Variants in SUCLG2 observed in about 807,000 individuals in gnomAD.
The protein encoded by SUCLG2 is succinate--CoA ligase [GDP-forming] subunit beta, mitochondrial.
In SUCLG2, 42 loss-of-function variants were observed where a neutral mutation model predicts 47.9. The observed-to-expected ratio is 0.88, with a 90% CI of 0.69 to 1.14. The LOEUF is 1.14. Ranked by LOEUF, SUCLG2 falls within the 50% of genes most tolerant of loss-of-function variation. SUCLG2 has a pLI of 0.00. For missense variants in SUCLG2, 571 were observed against 525.9 expected (o/e 1.09, Z -0.84); for synonymous variants, 195 against 197.3 (o/e 0.99, Z 0.10).
At chr3:67,584,189 T>A (rs1003885836) in intron 2 of SUCLG2, among the ~76,000 whole-genome samples, 3 of 152,186 alleles carry the variant, frequency 2.0e-5, no homozygotes, top group Non-Finnish European at 2.9e-5. Flanking sequence ...ATGTGCTGTA[T>A]CTATACAATG....
intron 1 of SUCLG2, among the ~76,000 whole-genome samples, chr3:67,629,849 T>C (rs963033480): frequency 6.6e-6 from 1 of 152,192 alleles, no homozygotes; most frequent in Non-Finnish European, 1.5e-5. Context: ...CTCAGGGTTT[T>C]AGATATGTGC....
chr3:67,456,493 A>G (rs1166637647), intron 9 of SUCLG2, among the ~76,000 whole-genome samples: 1 of 152,200 alleles, frequency 6.6e-6, no homozygotes, highest in Non-Finnish European at 1.5e-5. Context: ...GTAAAGGAAG[A>G]TGTAGCTGAT....
chr3:67,374,913 CGAGGA>C lies in SUCLG2; in HGVS notation c.*826_*830del. ...GGGAGGATGAGGAGTAAGAGAGAAA[CGAGGA>C]GAGAAGATAGTGATACTAAACACAA... On this transcript the variant is annotated 3_prime_UTR_variant, in exon 11 of 11. Coordinates refer to ENST00000307227, the MANE Select transcript of SUCLG2 (RefSeq NM_003848.4). 1 of 984,894 alleles carries C rather than the reference CGAGGA, an allele frequency of 1.0e-6. No homozygotes were observed. The highest frequency in any genetic ancestry group is 1.2e-6 in the Non-Finnish European group (1 of 829,802). 61.0% of individuals were successfully genotyped at this position (984,894 alleles called of 1,614,324 possible).
chr3:67,484,829 G>A (rs1006439904), intron 9 of SUCLG2, among the ~76,000 whole-genome samples: 3 of 152,170 alleles, frequency 2.0e-5, no homozygotes, highest in Admixed American at 6.5e-5. Flanking sequence ...TAATTTAGAA[G>A]TTCACCTGGA....
chr3:67,561,957 C>T (rs963477047), intron 2 of SUCLG2, among the ~76,000 whole-genome samples: 10 of 152,144 alleles, frequency 6.6e-5, no homozygotes, highest in African/African-American at 2.4e-4. Context: ...AAGGTTCCTC[C>T]TCTACTTATC....
At chr3:67,528,730 A>G (rs913721231) in intron 3 of SUCLG2, among the ~76,000 whole-genome samples, 1 of 152,166 alleles carries the variant, frequency 6.6e-6, no homozygotes, top group African/African-American at 2.4e-5. Context: ...GAGGGGAGGT[A>G]CCCCAGATGC....
downstream of SUCLG2, among the ~76,000 whole-genome samples, chr3:67,370,142 AC>A (rs1701933351): frequency 6.6e-6 from 1 of 152,196 alleles, no homozygotes; most frequent in Admixed American, 6.5e-5. Flanking sequence ...ATGGGTCCAT[AC>A]AAATTATGTA....
At chr3:67,639,319 C>T (rs201781954) in intron 1 of SUCLG2, among the ~76,000 whole-genome samples, 164 of 152,102 alleles carry the variant, frequency 1.1e-3, no homozygotes, top group African/African-American at 3.8e-3. Context: ...GATATTGATA[C>T]TTAAACATCA....
At chr3:67,459,609 A>C (rs191696235) in intron 9 of SUCLG2, among the ~76,000 whole-genome samples, 1 of 152,212 alleles carries the variant, frequency 6.6e-6, no homozygotes, top group Non-Finnish European at 1.5e-5. Context: ...GAAGTACTCC[A>C]TGGTAAATGA....
intron 2 of SUCLG2, among the ~76,000 whole-genome samples, chr3:67,554,976 G>A (rs985077621): frequency 1.2e-4 from 18 of 152,306 alleles, no homozygotes; most frequent in African/African-American, 4.1e-4. Flanking sequence ...ACTGAGGGAT[G>A]TTGGGGAGCT....
chr3:67,471,976 TA>T (rs1292626842), intron 9 of SUCLG2, among the ~76,000 whole-genome samples: 1 of 151,966 alleles, frequency 6.6e-6, no homozygotes, highest in Non-Finnish European at 1.5e-5. Flanking sequence ...TTCCTATGTT[TA>T]GAGTCCTTAA....
intron 1 of SUCLG2, among the ~76,000 whole-genome samples, chr3:67,649,239 A>G (rs1047722627): frequency 1.3e-5 from 2 of 152,210 alleles, no homozygotes; most frequent in African/African-American, 2.4e-5. Flanking sequence ...ACACAGCTCA[A>G]TTGCAGTACC....
chr3:67,489,695 G>C (rs1271240991), intron 9 of SUCLG2, among the ~76,000 whole-genome samples: 1 of 152,128 alleles, frequency 6.6e-6, no homozygotes, highest in African/African-American at 2.4e-5. Flanking sequence ...TTGCAGATAA[G>C]GTATTTCAGC....
At chr3:67,615,433 G>C (rs562108656) in intron 1 of SUCLG2, among the ~76,000 whole-genome samples, 58 of 152,204 alleles carry the variant, frequency 3.8e-4, no homozygotes, top group Non-Finnish European at 7.8e-4. Context: ...CACTGGCTCT[G>C]CACTTGCTCC....
chr3:67,433,543 T>C (rs562066317), intron 9 of SUCLG2, among the ~76,000 whole-genome samples: 1 of 152,134 alleles, frequency 6.6e-6, no homozygotes, highest in Non-Finnish European at 1.5e-5. Context: ...TGAGTGACCT[T>C]TCTTTTTGCT....
At chr3:67,441,949 C>T (rs1433982716) in intron 9 of SUCLG2, among the ~76,000 whole-genome samples, 3 of 152,134 alleles carry the variant, frequency 2.0e-5, no homozygotes, top group Admixed American at 1.3e-4. Context: ...ATATAAAATA[C>T]CTGTCAAGCA....
At chr3:67,557,092 A>G (rs1432342258) in intron 2 of SUCLG2, among the ~76,000 whole-genome samples, 2 of 152,150 alleles carry the variant, frequency 1.3e-5, no homozygotes, top group African/African-American at 2.4e-5. Flanking sequence ...GAATCTCCCA[A>G]CTAGAATTCT....
intron 9 of SUCLG2, among the ~76,000 whole-genome samples, chr3:67,419,198 C>A (rs1703099830): frequency 6.6e-6 from 1 of 152,158 alleles, no homozygotes; most frequent in Non-Finnish European, 1.5e-5. Flanking sequence ...TGTTGATGGC[C>A]TGTTGAGAGG....
intron 9 of SUCLG2, among the ~76,000 whole-genome samples, chr3:67,450,527 G>C (rs1461506242): frequency 6.6e-6 from 1 of 152,076 alleles, no homozygotes; most frequent in African/African-American, 2.4e-5. Flanking sequence ...AAATTTTCAA[G>C]TATACAGAGA....
Sources: gnomAD v4.1 joint callset for allele counts (sites outside exome capture counted in the v4.1 genomes callset) on GRCh38, gnomAD v4.1.1 for gene constraint, MANE v1.5 for transcripts, NCBI Gene and HGNC (gene_info 2026-07-23, HGNC 2026-07-21) for gene names.